The following RNF157 variants were observed in gnomAD, a reference collection of about 807,000 sequenced individuals.
RNF157 encodes the protein ring finger protein 157, also known as E3 ubiquitin ligase RNF157.
RNF157 carries 55 observed loss-of-function variants against 88.3 expected under a neutral mutation model. That is an observed-to-expected ratio of 0.62 (90% CI 0.50 to 0.78). The LOEUF is 0.78. Ranked by LOEUF, RNF157 falls within the 30% of genes least tolerant of loss-of-function variation. The pLI is 0.00. For synonymous variants in RNF157, 334 were observed against 341.2 expected, an observed-to-expected ratio of 0.98 and a Z score of 0.23; for missense variants, 788 against 860.8, an observed-to-expected ratio of 0.92 and a Z score of 1.06.
intron 2 of RNF157, among the ~76,000 whole-genome samples, chr17:76,181,305 T>C (rs9908949): frequency 0.19 from 29,185 of 152,206 alleles, 2,844 homozygotes; most frequent in Middle Eastern, 0.26. Context: ...AATGGCGCCC[T>C]ATGCTTAGAT....
At chr17:76,156,452 G>A in intron 13 of RNF157, 131 bp from the exon 14 acceptor site, 1 of 1,471,032 alleles carries the variant, frequency 6.8e-7, no homozygotes, top group East Asian at 2.5e-5. Flanking sequence ...TGAGTGGCAT[G>A]CAGAGGCCGC....
chr17:76,227,390 G>A (rs1185869510), intron 1 of RNF157, among the ~76,000 whole-genome samples: 3 of 151,600 alleles, frequency 2.0e-5, no homozygotes, highest in Admixed American at 2.0e-4. Flanking sequence ...CAAACTGCTG[G>A]GATTACAGGC....
intron 2 of RNF157, among the ~76,000 whole-genome samples, chr17:76,211,238 A>G (rs1274753249): frequency 6.6e-6 from 1 of 152,354 alleles, no homozygotes; most frequent in Admixed American, 6.5e-5. Context: ...ATGTTTGCCA[A>G]TTCAACAACT....
At chr17:76,172,651 AATAT>A (rs142019894) in intron 3 of RNF157, among the ~76,000 whole-genome samples, 1 of 144,258 alleles carries the variant, frequency 6.9e-6, no homozygotes, top group Admixed American at 6.9e-5. Context: ...CTCTGTCTCA[AATAT>A]ATATATATAT....
At chr17:76,207,903 C>T (rs1373227289) in intron 2 of RNF157, among the ~76,000 whole-genome samples, 1 of 152,186 alleles carries the variant, frequency 6.6e-6, no homozygotes, top group Non-Finnish European at 1.5e-5. Flanking sequence ...TCCAAGAGAA[C>T]ATATCACTGC....
At chr17:76,205,010 C>A (rs2069655241) in intron 2 of RNF157, among the ~76,000 whole-genome samples, 1 of 152,010 alleles carries the variant, frequency 6.6e-6, no homozygotes, top group Non-Finnish European at 1.5e-5. Flanking sequence ...GTCTTGATCT[C>A]TCCCGACCTC....
In RNF157 at chr17:76,145,187, T is replaced by A. The variant is rs935666595; in HGVS notation, c.*48A>T. The stretch of plus-strand genomic sequence containing the variant: ...CCAGTAGGCAGCAGCTGAGTGAGGA[T>A]GGATGGAATGCAGGGCAGGAGGGGA... On this transcript the variant is annotated 3_prime_UTR_variant, in exon 19 of 19. Transcript: ENST00000269391. The A allele has an allele frequency of 7.9e-7, 1 of 1,264,270 alleles. No individual in the cohort carries two copies. Among genetic ancestry groups the A allele is most frequent in the Non-Finnish European group, 1.1e-6 (1 of 874,336 alleles). 78.3% of individuals were successfully genotyped at this position (1,264,270 alleles called of 1,614,324 possible). A position where few individuals can be genotyped will look rare whatever the true frequency, so the allele number is the denominator to read the frequency against.
In RNF157 at chr17:76,164,669, G is replaced by C; in HGVS notation, c.720+79C>G. The C allele has an allele frequency of 6.3e-6, 5 of 791,608 alleles. No homozygotes were observed. In the South Asian group the frequency reaches 1.1e-4, roughly 17 times the overall value. The allele number at this position is 791,608 out of a possible 1,614,324, so 49.0% of individuals were successfully genotyped here. ...AAAGTAAAACAAAAATAAAAAAAGA[G>C]GGAGAGAGAAGAAGAAAGGAAAGAA... On this transcript the variant is annotated intron_variant, in intron 8 of 18. Transcript: ENST00000269391.
chr17:76,145,457 C>T (rs1474483537), intron 18 of RNF157, 104 bp from the exon 19 acceptor site: 9 of 756,682 alleles, frequency 1.2e-5, no homozygotes, highest in Admixed American at 2.4e-5. Context: ...GAGCAGGATG[C>T]GTGTCACCTG....
rs2068843960 is a variant in RNF157 at position 76,161,517 on chromosome 17, G to A, written c.1065+18C>T. 1 of 1,586,394 alleles carries A rather than the reference G, an allele frequency of 6.3e-7. No individual in the cohort carries two copies. The highest frequency in any genetic ancestry group is 1.3e-5 in the African/African-American group (1 of 74,472). On this transcript the variant is annotated intron_variant, in intron 11 of 18. Coordinates refer to ENST00000269391, the MANE Select transcript of RNF157 (RefSeq NM_052916.3). This position sits in a 1 kb window ranked among gnomAD's most constrained non-coding sequence, Gnocchi z 4.6. ...AGGCATTTGCTTCAGAGGGGCCGTG[G>A]TTCCGAGCCCAACTTACTGGATGCT...
chr17:76,180,266 G>A (rs916322501), intron 2 of RNF157, among the ~76,000 whole-genome samples: 1 of 152,096 alleles, frequency 6.6e-6, no homozygotes, highest in Non-Finnish European at 1.5e-5. Context: ...ATGAAAACAG[G>A]CCTCAGATCA....
intron 2 of RNF157, among the ~76,000 whole-genome samples, chr17:76,174,164 G>A (rs950261401): frequency 6.6e-6 from 1 of 152,050 alleles, no homozygotes; most frequent in Non-Finnish European, 1.5e-5. Context: ...GACCTCAGAC[G>A]ACAGGGAACC....
At chr17:76,169,520 T>C (rs8076990) in intron 3 of RNF157, among the ~76,000 whole-genome samples, 48,548 of 150,996 alleles carry the variant, frequency 0.32, 9,398 homozygotes, top group African/African-American at 0.55. Context: ...GATCCTCCTG[T>C]TTTGGCCTCC....
intron 1 of RNF157, among the ~76,000 whole-genome samples, chr17:76,214,226 G>A (rs886653858): frequency 6.6e-6 from 1 of 152,142 alleles, no homozygotes; most frequent in African/African-American, 2.4e-5. Context: ...ATGAATTGGA[G>A]GACACCCAGC....
chr17:76,205,069 G>A lies in RNF157; in HGVS notation c.207+7295C>T, dbSNP rs536195563. On this transcript the variant is annotated intron_variant, in intron 2 of 18. Transcript: ENST00000269391. The stretch of plus-strand genomic sequence containing the variant: ...CCCAAAGTGCTGGGATTAGAGGCGT[G>A]AGCCACCATGCCCAGTCTCCTTCCT... Among the ~76,000 whole-genome samples, 21 of 151,440 alleles carry A rather than the reference G, an allele frequency of 1.4e-4. No individual in the cohort carries two copies. In the South Asian group the frequency reaches 4.2e-3, roughly 30 times the overall value.
At chr17:76,197,210 C>T (rs1351690926) in intron 2 of RNF157, among the ~76,000 whole-genome samples, 2 of 152,136 alleles carry the variant, frequency 1.3e-5, no homozygotes, top group African/African-American at 4.8e-5. Flanking sequence ...GAATAGGAGA[C>T]ACGGGGCTGT....
intron 1 of RNF157, among the ~76,000 whole-genome samples, chr17:76,220,350 G>T (rs1163555758): frequency 6.9e-6 from 1 of 144,608 alleles, no homozygotes; most frequent in Non-Finnish European, 1.5e-5. Flanking sequence ...TAAGGGCAAG[G>T]AATAAGTCTA....
chr17:76,223,255 T>G (rs2070020101), intron 1 of RNF157, among the ~76,000 whole-genome samples: 2 of 147,086 alleles, frequency 1.4e-5, no homozygotes, highest in South Asian at 4.6e-4. Flanking sequence ...TAGTCCAATC[T>G]CTGCTCGCTG....
chr17:76,205,136 T>G (rs1415700614), intron 2 of RNF157, among the ~76,000 whole-genome samples: 1 of 151,096 alleles, frequency 6.6e-6, no homozygotes, highest in Non-Finnish European at 1.5e-5. Context: ...TTCTTTTCTT[T>G]TTTTCTTTCT....
Sources: allele counts gnomAD v4.1 joint callset (sites outside exome capture counted in the v4.1 genomes callset), GRCh38; gene constraint gnomAD v4.1.1; non-coding constraint Gnocchi (gnomAD v3.1); transcripts MANE v1.5; gene names NCBI Gene and HGNC (gene_info 2026-07-23, HGNC 2026-07-21).